Variants in PTPN2 observed in about 807,000 individuals in gnomAD.
PTPN2 encodes the protein tyrosine-protein phosphatase non-receptor type 2.
PTPN2 carries 19 observed loss-of-function variants against 57.3 expected under a neutral mutation model. The ratio of observed to expected loss-of-function variants is 0.33; its 90% CI spans 0.23 to 0.49. The LOEUF is 0.49. Among genes scored for constraint, PTPN2 ranks in the 20% least tolerant of loss-of-function variants. The pLI is 0.99. For synonymous variants in PTPN2, 153 were observed against 164.9 expected (o/e 0.93, Z 0.55); for missense variants, 358 against 501.1 (o/e 0.71, Z 2.73).
intron 1 of PTPN2, among the ~76,000 whole-genome samples, chr18:12,861,187 T>C (rs1206329579): frequency 6.6e-6 from 1 of 152,214 alleles, no homozygotes; most frequent in East Asian, 1.9e-4. Flanking sequence ...AAATTTCTAA[T>C]ATGAAACTTC....
chr18:12,865,084 T>G (rs1246545619), intron 1 of PTPN2, among the ~76,000 whole-genome samples: 2 of 152,294 alleles, frequency 1.3e-5, no homozygotes, highest in East Asian at 3.9e-4. Context: ...AATCACAGAA[T>G]TCAGAAGGAT....
chr18:12,793,085 GC>G lies in PTPN2; in HGVS notation c.*1192del, dbSNP rs2041032015. The G allele has an allele frequency of 1.0e-6, 1 of 984,924 alleles. No individual in the cohort carries two copies. The highest frequency in any genetic ancestry group is 1.2e-6 in the Non-Finnish European group (1 of 829,462). 61.0% of individuals were successfully genotyped at this position (984,924 alleles called of 1,614,324 possible). A position where few individuals can be genotyped will look rare whatever the true frequency, so the allele number is the denominator to read the frequency against. On this transcript the variant is annotated 3_prime_UTR_variant, in exon 9 of 9. Transcript: ENST00000309660. The stretch of plus-strand genomic sequence containing the variant: ...ATCCATAATAATGTATGCTATCCAT[GC>G]CTCCTAGCAATTAAATTTGTAACAA...
intron 1 of PTPN2, 161 bp downstream of exon 1, chr18:12,883,912 G>C (rs1170998294): frequency 3.8e-6 from 2 of 524,620 alleles, no homozygotes; most frequent in Admixed American, 3.8e-5. Flanking sequence ...GCAAGAGAGC[G>C]GTCAGCGCAG....
In PTPN2 at chr18:12,873,189, C is replaced by A. The variant is rs145444082; in HGVS notation, c.69+10884G>T. On this transcript the variant is annotated intron_variant, in intron 1 of 8. Transcript: ENST00000309660. ...TGAGCCAAGATCGTGCCACTGCACT[C>A]CAGCCTGGTTGACAGAGTAAGACTC... Among the ~76,000 whole-genome samples the A allele has an allele frequency of 2.2e-3, 340 of 151,928 alleles. 9 individuals are homozygous for A. The East Asian group carries it at 0.054, about 24-fold the overall frequency.
chr18:12,807,543 T>C (rs2041702714), intron 7 of PTPN2, among the ~76,000 whole-genome samples: 1 of 101,690 alleles, frequency 9.8e-6, no homozygotes, highest in Non-Finnish European at 1.9e-5. Context: ...TGTCCATCAA[T>C]GAATGGAGGG....
chr18:12,883,906 G>A, intron 1 of PTPN2, 167 bp downstream of exon 1: 5 of 489,958 alleles, frequency 1.0e-5, no homozygotes, highest in South Asian at 2.8e-5. Flanking sequence ...AAAGGAGCAA[G>A]AGAGCGGTCA....
chr18:12,843,447 C>T (rs1194395265), intron 2 of PTPN2, among the ~76,000 whole-genome samples: 1 of 152,074 alleles, frequency 6.6e-6, no homozygotes, highest in African/African-American at 2.4e-5. Context: ...ACAACCACAC[C>T]CTCACCCCAA....
intron 1 of PTPN2, among the ~76,000 whole-genome samples, chr18:12,877,738 G>T (rs536170267): frequency 6.6e-6 from 1 of 151,740 alleles, no homozygotes; most frequent in Non-Finnish European, 1.5e-5. Flanking sequence ...GCGGCCAGGC[G>T]CAGTGGCTCA....
Position 12,817,278 on chromosome 18 carries a change from A to C in PTPN2, c.583T>G (p.Phe195Val). 5.6e-6 allele frequency: 9 copies of C among 1,614,098 alleles called. No homozygotes were observed. Among genetic ancestry groups the C allele is most frequent in the Non-Finnish European group, 7.6e-6 (9 of 1,179,966 alleles). Residue 195 changes from phenylalanine to valine, a missense_variant, in exon 6 of 9, where the codon TTC becomes GTC. Transcript: ENST00000309660. ...CCAGATTCTCTCACTTTAAACAAGA[A>C]ATTGAGAAATGAAGCTGGTGATTCA... ...VPESPASFLN[F>V]LFKVRESGSL...
At position 12,800,109 on chromosome 18, in the gene PTPN2, TAAAC is replaced by T. The variant is rs916058050; in HGVS notation, c.1040+1857_1040+1860del. The stretch of plus-strand genomic sequence containing the variant: ...ACATGCGAAAACATGTACAGGCACA[TAAAC>T]ACACACACAGACCCCATAAAACAGT... On this transcript the variant is annotated intron_variant, in intron 8 of 8. Transcript: ENST00000309660. Among the ~76,000 whole-genome samples, 32 of 152,108 alleles carry T rather than the reference TAAAC, an allele frequency of 2.1e-4. 1 individual carries two copies. The highest frequency in any genetic ancestry group is 7.2e-4 in the African/African-American group (30 of 41,436).
At chr18:12,874,991 TG>T (rs1356442708) in intron 1 of PTPN2, among the ~76,000 whole-genome samples, 1 of 152,168 alleles carries the variant, frequency 6.6e-6, no homozygotes, top group Non-Finnish European at 1.5e-5. Context: ...GGGATCCTGT[TG>T]ATCTGTGACC....
chr18:12,860,389 G>A (rs2043759368), intron 1 of PTPN2, among the ~76,000 whole-genome samples: 1 of 151,944 alleles, frequency 6.6e-6, no homozygotes, highest in Admixed American at 6.6e-5. Flanking sequence ...ACGAGGTCAG[G>A]AGTTCAAGAC....
intron 7 of PTPN2, among the ~76,000 whole-genome samples, chr18:12,805,318 G>A (rs1027619772): frequency 2.0e-5 from 3 of 151,946 alleles, no homozygotes; most frequent in African/African-American, 2.4e-5. Flanking sequence ...ATAGCTGGGT[G>A]TGGTGGTGCA....
chr18:12,875,454 G>C (rs1319080512), intron 1 of PTPN2, among the ~76,000 whole-genome samples: 1 of 152,102 alleles, frequency 6.6e-6, no homozygotes, highest in Non-Finnish European at 1.5e-5. Context: ...AATTTTACAT[G>C]CTAAACTGAT....
At chr18:12,844,031 A>C (rs965722135) in intron 2 of PTPN2, 1 of 152,180 alleles carries the variant, frequency 6.6e-6, no homozygotes, top group African/African-American at 2.4e-5. Flanking sequence ...ATATAAATGG[A>C]ATCATGTACT....
intron 7 of PTPN2, among the ~76,000 whole-genome samples, chr18:12,806,388 C>T (rs2145268196): frequency 6.6e-6 from 1 of 152,174 alleles, no homozygotes; most frequent in African/African-American, 2.4e-5. Context: ...ATAAAGTGAT[C>T]TACAGATTCA....
Position 12,824,290 on chromosome 18 carries a change from C to T in PTPN2, c.495+1520G>A, listed in dbSNP as rs1451428307. Among the ~76,000 whole-genome samples, 7 of 152,250 alleles carry T rather than the reference C, an allele frequency of 4.6e-5. No individual in the cohort carries two copies. In the East Asian group the frequency reaches 5.8e-4, roughly 13 times the overall value. On this transcript the variant is annotated intron_variant, in intron 5 of 8. Coordinates refer to ENST00000309660, the MANE Select transcript of PTPN2 (RefSeq NM_002828.4). ...AAGAGACTGTATAATAAGCTTAGTA[C>T]GGATGTCACGGGAAGCTGGACAGAA...
rs2145372804 is a variant in PTPN2 at position 12,830,994 on chromosome 18, C to T, written c.309G>A (p.Gln103=). ...TCCHFWLMVW[Q]QKTKAVVMLN... ...GCATGACAACTGCTTTGGTCTTCTGCTGCCAAACCATAAGCCAGAAATGGC... is the reference window on the plus strand; with the variant it reads ...GCATGACAACTGCTTTGGTCTTCTGTTGCCAAACCATAAGCCAGAAATGGC... Residue 103 remains glutamine (Q), a synonymous_variant, in exon 4 of 9, where the codon CAG becomes CAA. Coordinates refer to ENST00000309660, the MANE Select transcript of PTPN2 (RefSeq NM_002828.4). The T allele has an allele frequency of 1.9e-6, 3 of 1,611,554 alleles. No homozygotes were observed. Among genetic ancestry groups the T allele is most frequent in the East Asian group, 2.2e-5 (1 of 44,830 alleles).
chr18:12,847,252 C>T (rs569114316), intron 2 of PTPN2, among the ~76,000 whole-genome samples: 3 of 152,274 alleles, frequency 2.0e-5, no homozygotes, highest in East Asian at 1.9e-4. Flanking sequence ...CCACCCTCTG[C>T]GTGAATACCT....
Sources: gnomAD v4.1 joint callset for allele counts (sites outside exome capture counted in the v4.1 genomes callset) on GRCh38, gnomAD v4.1.1 for gene constraint, MANE v1.5 for transcripts, NCBI Gene and HGNC (gene_info 2026-07-23, HGNC 2026-07-21) for gene names.